The following PRKDC variants were observed in gnomAD, a reference collection of about 807,000 sequenced individuals.
PRKDC encodes the protein DNA-dependent protein kinase catalytic subunit.
Under a neutral mutation model 486.9 loss-of-function variants are expected in PRKDC, and 82 were observed. The observed-to-expected ratio is 0.17, with a 90% CI of 0.14 to 0.20. The LOEUF (loss-of-function observed/expected upper bound fraction) is 0.20. Ranked by LOEUF, PRKDC falls within the 10% of genes least tolerant of loss-of-function variation. The probability of loss-of-function intolerance (pLI) is 1.00; values close to 1 mark genes in which losing one functional copy is unlikely to be tolerated. For missense variants in PRKDC, 4,504 were observed against 5,038.2 expected, an observed-to-expected ratio of 0.89 and a Z score of 3.21; for synonymous variants, 1,895 against 1,837.0, an observed-to-expected ratio of 1.03 and a Z score of -0.81.
intron 69 of PRKDC, among the ~76,000 whole-genome samples, chr8:47,805,618 C>A (rs530272409): frequency 6.6e-6 from 1 of 152,338 alleles, no homozygotes; most frequent in African/African-American, 2.4e-5. Flanking sequence ...TCAGGTAAGG[C>A]ACGACAGTTT....
chr8:47,828,030 G>C (rs1428665321), intron 62 of PRKDC, 138 bp downstream of exon 62: 2 of 716,376 alleles, frequency 2.8e-6, no homozygotes, highest in African/African-American at 3.7e-5. Context: ...TTGGGAAGTG[G>C]TAACCCAAAT....
At chr8:47,881,162 G>A (rs2089207603) in intron 38 of PRKDC, among the ~76,000 whole-genome samples, 1 of 152,090 alleles carries the variant, frequency 6.6e-6, no homozygotes, top group Admixed American at 6.6e-5. Flanking sequence ...AGCAGATACA[G>A]GTCAGATAAC....
In PRKDC at chr8:47,902,774, C is replaced by A. The variant is rs754508869; in HGVS notation, c.3064G>T (p.Asp1022Tyr). ...AILDGIVDPVDSTLRDFCGRC... is the reference protein window; with the variant it reads ...AILDGIVDPVYSTLRDFCGRC... ...CCACAAAAATCTCTTAAAGTACTGTCAACAGGGTCCACAATTCCATCCTGA... is the reference window on the plus strand; with the variant it reads ...CCACAAAAATCTCTTAAAGTACTGTAAACAGGGTCCACAATTCCATCCTGA... Residue 1022 changes from aspartate (D) to tyrosine (Y), a missense_variant, in exon 27 of 86, where the codon GAC becomes TAC. Physicochemically the swap from Asp to Tyr is radical, Grantham distance 160. Coordinates refer to ENST00000314191, the MANE Select transcript of PRKDC (RefSeq NM_006904.7). The A allele has an allele frequency of 6.2e-7, 1 of 1,610,520 alleles. No individual in the cohort carries two copies. The highest frequency in any genetic ancestry group is 1.7e-5 in the Admixed American group (1 of 59,362).
At chr8:47,941,618 C>G (rs151222189) in intron 10 of PRKDC, among the ~76,000 whole-genome samples, 77 of 152,340 alleles carry the variant, frequency 5.1e-4, no homozygotes, top group African/African-American at 1.6e-3. Context: ...CTTTCTTCAT[C>G]TCTGCACTGT....
chr8:47,846,213 C>G (rs1004683264), intron 54 of PRKDC, among the ~76,000 whole-genome samples: 8 of 152,016 alleles, frequency 5.3e-5, no homozygotes, highest in African/African-American at 1.7e-4. Flanking sequence ...GTCAGGAGTT[C>G]GAGACCAGCC....
chr8:47,871,458 A>G (rs925698980), intron 40 of PRKDC, among the ~76,000 whole-genome samples: 1 of 152,210 alleles, frequency 6.6e-6, no homozygotes, highest in Non-Finnish European at 1.5e-5. Flanking sequence ...TGAAGGAAAA[A>G]CATTTTTTCC....
At chr8:47,784,773 C>G (rs1276243441) in intron 77 of PRKDC, among the ~76,000 whole-genome samples, 3 of 151,768 alleles carry the variant, frequency 2.0e-5, no homozygotes, top group Non-Finnish European at 4.4e-5. Flanking sequence ...TAATCTGCCT[C>G]TATACCTGTA....
In PRKDC at chr8:47,939,578, A is replaced by G. The variant is rs747469563; in HGVS notation, c.1086T>C (p.Ala362=). 1.4e-5 allele frequency: 23 copies of G among 1,613,688 alleles called. No individual in the cohort carries two copies. The highest frequency in any genetic ancestry group is 3.3e-5 in the Admixed American group (2 of 59,994). ...VDSNNKELSI[A]IRGYGLFAGP... is the part of the protein sequence containing the mutation. ...CTGCAAAAAGTCCATATCCACGGATAGCAATAGATAACTCCTTGTTGTTCG... is the reference window on the plus strand; with the variant it reads ...CTGCAAAAAGTCCATATCCACGGATGGCAATAGATAACTCCTTGTTGTTCG... Residue 362 remains alanine (A), a synonymous_variant, in exon 11 of 86, where the codon GCT becomes GCC. Coordinates refer to ENST00000314191, the MANE Select transcript of PRKDC (RefSeq NM_006904.7).
chr8:47,852,379 G>C (rs2088428550), intron 52 of PRKDC, among the ~76,000 whole-genome samples: 1 of 152,136 alleles, frequency 6.6e-6, no homozygotes, highest in East Asian at 1.9e-4. Flanking sequence ...CTGAGACCAA[G>C]TTCATAGTAA....
chr8:47,887,811 A>C, intron 34 of PRKDC, 106 bp from the exon 35 acceptor site: 12 of 1,175,636 alleles, frequency 1.0e-5, no homozygotes, highest in Non-Finnish European at 1.4e-5. Context: ...TAGCACTGAC[A>C]ACTACCTTCC....
At chr8:47,786,060 C>T (rs1417250611) in intron 76 of PRKDC, among the ~76,000 whole-genome samples, 2 of 146,002 alleles carry the variant, frequency 1.4e-5, no homozygotes, top group African/African-American at 5.1e-5. Context: ...GAGCCGAGAT[C>T]GCGCCACTGC....
chr8:47,781,243 A>G (rs2086694600), intron 80 of PRKDC, among the ~76,000 whole-genome samples: 1 of 152,214 alleles, frequency 6.6e-6, no homozygotes. Flanking sequence ...CGTGCTCATC[A>G]GTTGCCCTGT....
At chr8:47,921,239 A>G (rs2090065436) in intron 21 of PRKDC, among the ~76,000 whole-genome samples, 1 of 151,972 alleles carries the variant, frequency 6.6e-6, no homozygotes, top group Non-Finnish European at 1.5e-5. Flanking sequence ...TGGGCGACAG[A>G]GCGAGACTCC....
chr8:47,886,343 GA>G, intron 35 of PRKDC, among the ~76,000 whole-genome samples, 196 bp from the exon 36 acceptor site: 1 of 152,300 alleles, frequency 6.6e-6, no homozygotes, highest in East Asian at 1.9e-4. Context: ...TTTTGGGAAA[GA>G]AATCTTCCTT....
Position 47,914,957 on chromosome 8 carries a change from C to G in PRKDC, c.2617+371G>C, listed in dbSNP as rs563388876. ...GGCGTGAGCCACCACACGCAGCCTA[C>G]TAATCAAAAATGGTAATTCTCATTT... On this transcript the variant is annotated intron_variant, in intron 23 of 85. Transcript: ENST00000314191. Among the ~76,000 whole-genome samples, 29 of 152,188 alleles carry G rather than the reference C, an allele frequency of 1.9e-4. No individual in the cohort carries two copies. In the South Asian group the frequency reaches 5.6e-3, roughly 29 times the overall value.
At chr8:47,956,884 T>C (rs2090711519) in intron 3 of PRKDC, among the ~76,000 whole-genome samples, 1 of 148,356 alleles carries the variant, frequency 6.7e-6, no homozygotes, top group Non-Finnish European at 1.5e-5. Context: ...TTAAGATAGT[T>C]ATTAAAAAAA....
At chr8:47,936,246 T>A (rs2090349263) in intron 12 of PRKDC, 107 bp downstream of exon 12, 2 of 1,263,074 alleles carry the variant, frequency 1.6e-6, no homozygotes, top group Non-Finnish European at 2.2e-6. Context: ...AAAACTGTCA[T>A]GTTGTTCCCA....
intron 80 of PRKDC, among the ~76,000 whole-genome samples, chr8:47,781,433 T>TA (rs762174042): frequency 1.3e-5 from 2 of 152,138 alleles, no homozygotes; most frequent in Non-Finnish European, 2.9e-5. Context: ...TAAAAACTTT[T>TA]AAAAAAGAAT....
chr8:47,945,882 C>T (rs1369900176), intron 7 of PRKDC, among the ~76,000 whole-genome samples: 4 of 152,060 alleles, frequency 2.6e-5, no homozygotes, highest in African/African-American at 7.2e-5. Context: ...CCACCACGCC[C>T]GGCTAATTGT....
Sources: gnomAD v4.1 joint callset for allele counts (sites outside exome capture counted in the v4.1 genomes callset) on GRCh38, gnomAD v4.1.1 for gene constraint, MANE v1.5 for transcripts, NCBI Gene and HGNC (gene_info 2026-07-23, HGNC 2026-07-21) for gene names.